FAM149B1: variants seen among roughly 807,000 people sequenced by gnomAD.
The protein encoded by FAM149B1 is primary cilium assembly protein FAM149B1.
Under a neutral mutation model 75.3 loss-of-function variants are expected in FAM149B1, and 56 were observed. The observed-to-expected ratio is 0.74, with a 90% CI of 0.60 to 0.93. The LOEUF is 0.93. FAM149B1 is among the 40% of genes least tolerant of loss of function. The pLI is 0.00. For missense variants in FAM149B1, 639 were observed against 708.4 expected (o/e 0.90, Z 1.11); for synonymous variants, 259 against 256.1 (o/e 1.01, Z -0.11).
chr10:73,187,468 G>T (rs1041426096), intron 3 of FAM149B1, among the ~76,000 whole-genome samples: 1 of 150,956 alleles, frequency 6.6e-6, no homozygotes, highest in Non-Finnish European at 1.5e-5. Context: ...GGTGGCTCAC[G>T]CCTGTAATCC....
Position 73,193,508 on chromosome 10 carries a change from G to GA in FAM149B1, c.459dup (p.Gly154ArgfsTer3), listed in dbSNP as rs2042726791. On this transcript the variant is annotated frameshift_variant, in exon 5 of 14. Coordinates refer to ENST00000242505, the MANE Select transcript of FAM149B1 (RefSeq NM_173348.2). LOFTEE classifies it high-confidence loss of function. ...AGGTAGGCAGATAATCACTCCAAGT[G>GA]AAGGTTATAGATTGTATCCTAGATC... 6.5e-7 allele frequency: 1 copy of GA among 1,550,094 alleles called. No homozygotes were observed. The highest frequency in any genetic ancestry group is 2.4e-5 in the East Asian group (1 of 40,834).
At chr10:73,185,802 A>G (rs950136865) in intron 3 of FAM149B1, among the ~76,000 whole-genome samples, 7 of 152,350 alleles carry the variant, frequency 4.6e-5, no homozygotes, top group South Asian at 2.1e-4. Flanking sequence ...TAGAACTGAT[A>G]TATGAATTTA....
chr10:73,205,905 A>AGTGTTCATACAGAACACT (rs2043043576), intron 5 of FAM149B1, among the ~76,000 whole-genome samples: 1 of 152,184 alleles, frequency 6.6e-6, no homozygotes, highest in South Asian at 2.1e-4. Context: ...ACTGGTACCA[A>AGTGTTCATACAGAACACT]GGAATGGGGT....
At chr10:73,212,011 A>G (rs754595255) in intron 7 of FAM149B1, among the ~76,000 whole-genome samples, 5 of 152,140 alleles carry the variant, frequency 3.3e-5, no homozygotes, top group Non-Finnish European at 7.4e-5. Context: ...ATGTGAACCC[A>G]TTGTTTAGCT....
chr10:73,213,783 A>G (rs560633397), intron 7 of FAM149B1, among the ~76,000 whole-genome samples: 2 of 152,258 alleles, frequency 1.3e-5, no homozygotes, highest in African/African-American at 4.8e-5. Context: ...CTTTTTACTT[A>G]GGATTATTTT....
intron 7 of FAM149B1, among the ~76,000 whole-genome samples, chr10:73,224,418 T>C (rs1045755400): frequency 5.9e-5 from 9 of 152,146 alleles, no homozygotes; most frequent in Non-Finnish European, 1.0e-4. Flanking sequence ...ATGTGATATA[T>C]TCATACAATG....
chr10:73,193,371 T>C, intron 4 of FAM149B1, 106 bp from the exon 5 acceptor site: 1 of 1,059,350 alleles, frequency 9.4e-7, no homozygotes. Flanking sequence ...TCAGACTGTA[T>C]ACTGGACTTT....
chr10:73,217,639 A>G (rs2133379028), intron 7 of FAM149B1, among the ~76,000 whole-genome samples: 1 of 152,338 alleles, frequency 6.6e-6, no homozygotes, highest in East Asian at 1.9e-4. Context: ...AGCCAGTAAG[A>G]AAGACTGAGA....
intron 12 of FAM149B1, among the ~76,000 whole-genome samples, chr10:73,236,671 CA>C (rs2043828908): frequency 6.6e-6 from 1 of 151,774 alleles, no homozygotes; most frequent in Admixed American, 6.6e-5. Context: ...CTCAGCCTCC[CA>C]AAGTGCTGTG....
chr10:73,175,405 C>T (rs1170705883), intron 2 of FAM149B1, among the ~76,000 whole-genome samples: 1 of 151,986 alleles, frequency 6.6e-6, no homozygotes, highest in African/African-American at 2.4e-5. Context: ...CGCGGTGGCT[C>T]ACGCCTGTAA....
chr10:73,223,875 T>C (rs2043473922), intron 7 of FAM149B1, among the ~76,000 whole-genome samples: 1 of 152,174 alleles, frequency 6.6e-6, no homozygotes, highest in African/African-American at 2.4e-5. Context: ...CAGACTCCCA[T>C]AATAATAAAC....
Position 73,237,917 on chromosome 10 carries a change from G to A in FAM149B1, c.1603-1395G>A, listed in dbSNP as rs571042666. On this transcript the variant is annotated intron_variant, in intron 12 of 13. Transcript: ENST00000242505. ...AACATTTAATTTTTGATTGCCTTAGGAATAAAACTGAACAGATGAAAATGT... is the reference window on the plus strand; with the variant it reads ...AACATTTAATTTTTGATTGCCTTAGAAATAAAACTGAACAGATGAAAATGT... 3.3e-5 allele frequency among the ~76,000 whole-genome samples: 5 copies of A among 151,952 alleles called. No homozygotes were observed. In the East Asian group the frequency reaches 9.7e-4, roughly 29 times the overall value.
chr10:73,235,385 T>C, intron 12 of FAM149B1, 67 bp downstream of exon 12: 1 of 1,540,450 alleles, frequency 6.5e-7, no homozygotes, highest in Non-Finnish European at 8.8e-7. Flanking sequence ...GGAATAATAG[T>C]TTGGCAGACT....
intron 6 of FAM149B1, 44 bp from the exon 7 acceptor site, chr10:73,210,207 T>C: frequency 2.2e-6 from 3 of 1,364,120 alleles, no homozygotes; most frequent in South Asian, 2.7e-5. Context: ...AAGGCAGCCT[T>C]CCCTTCAGCA....
At chr10:73,185,576 A>G (rs950044371) in intron 3 of FAM149B1, among the ~76,000 whole-genome samples, 1 of 152,152 alleles carries the variant, frequency 6.6e-6, no homozygotes, top group Admixed American at 6.6e-5. Flanking sequence ...TCTTCCCACA[A>G]AGAAGTCCAG....
intron 1 of FAM149B1, among the ~76,000 whole-genome samples, chr10:73,169,512 C>G (rs866592242): frequency 2.9e-4 from 43 of 149,608 alleles, no homozygotes; most frequent in African/African-American, 8.4e-4. Context: ...GGCTGGAGGG[C>G]AGTAGTGCAA....
chr10:73,213,992 C>G (rs1300616474), intron 7 of FAM149B1, among the ~76,000 whole-genome samples: 1 of 152,058 alleles, frequency 6.6e-6, no homozygotes, highest in Non-Finnish European at 1.5e-5. Flanking sequence ...TCTATGAATT[C>G]TTTAGTCAGT....
In FAM149B1 at chr10:73,218,210, GAGTTCCATGACTA is replaced by G. The variant is rs766356059; in HGVS notation, c.898+7777_898+7789del. On this transcript the variant is annotated intron_variant, in intron 7 of 13. Transcript: ENST00000242505. Reference sequence around the variant, plus strand: ...TGAAATCCAGCTGGGTAAATATTGGGAGTTCCATGACTAAGTTTCGAGACCTGGGACTAATCCT... The same window carrying G: ...TGAAATCCAGCTGGGTAAATATTGGGAGTTTCGAGACCTGGGACTAATCCT... 3.9e-5 allele frequency among the ~76,000 whole-genome samples: 6 copies of G among 152,312 alleles called. No homozygotes were observed. In the East Asian group the frequency reaches 9.6e-4, roughly 24 times the overall value.
intron 10 of FAM149B1, chr10:73,234,069 G>C (rs1297131421): frequency 6.6e-6 from 1 of 152,158 alleles, no homozygotes; most frequent in Non-Finnish European, 1.5e-5. Context: ...AATTCTTTTA[G>C]CTGTTGATTC....
Sources: gnomAD v4.1 joint callset for allele counts (sites outside exome capture counted in the v4.1 genomes callset) on GRCh38, gnomAD v4.1.1 for gene constraint, MANE v1.5 for transcripts, NCBI Gene and HGNC (gene_info 2026-07-23, HGNC 2026-07-21) for gene names.